The following PDK2 variants were observed in gnomAD, a reference collection of about 807,000 sequenced individuals.
The protein encoded by PDK2 is pyruvate dehydrogenase kinase 2.
A neutral mutation model predicts 50.4 loss-of-function variants in PDK2; 34 were observed. The observed-to-expected ratio is 0.68, with a 90% CI of 0.51 to 0.90. PDK2 has a LOEUF of 0.90. Among genes scored for constraint, PDK2 ranks in the 40% least tolerant of loss-of-function variants. The pLI, the probability that PDK2 is intolerant of heterozygous loss-of-function variation, is 0.00. For synonymous variants in PDK2, 232 were observed against 216.0 expected (o/e 1.07, Z -0.65); for missense variants, 377 against 544.5 (o/e 0.69, Z 3.06).
Position 50,109,397 on chromosome 17 carries a change from C to T in PDK2, c.1080C>T (p.Leu360=). 1.3e-6 allele frequency: 2 copies of T among 1,599,468 alleles called. No homozygotes were observed. The highest frequency in any genetic ancestry group is 1.7e-6 in the Non-Finnish European group (2 of 1,167,928). ...TTGGGACCGATGCTGTCATCTATCT[C>T]AAGGTGAGGGCCCTTCCCGCAGAGC... ...EGFGTDAVIY[L]KALSTDSVER... The change falls in exon 10 of 11, where the codon CTC becomes CTT. Residue 360 remains leucine (L), a synonymous_variant. Transcript: ENST00000503176. The surrounding 1 kb of genome is among the most constrained non-coding windows in gnomAD (Gnocchi z 5.0).
chr17:50,098,855 C>G (rs1910079586), intron 2 of PDK2: 1 of 152,220 alleles, frequency 6.6e-6, no homozygotes, highest in Non-Finnish European at 1.5e-5. Context: ...TGACTTGTCA[C>G]TGGACCTTAC....
chr17:50,107,565 A>G (rs1164849220), intron 6 of PDK2, among the ~76,000 whole-genome samples: 1 of 152,218 alleles, frequency 6.6e-6, no homozygotes, highest in Non-Finnish European at 1.5e-5. Flanking sequence ...TGGGTGACAG[A>G]GCGAGACTTC....
At chr17:50,095,213 G>A (rs1909865762), upstream of PDK2, 1 of 461,334 alleles carries the variant, frequency 2.2e-6, no homozygotes, top group East Asian at 3.5e-5. Context: ...GGGCGGGCCC[G>A]GGGGAAGCCA....
chr17:50,103,281 G>A (rs1910328671), intron 2 of PDK2, among the ~76,000 whole-genome samples: 1 of 152,144 alleles, frequency 6.6e-6, no homozygotes, highest in South Asian at 2.1e-4. Flanking sequence ...AGGGAGGGGT[G>A]GGCGGTGAGC....
At chr17:50,098,321 T>A (rs1479020318) in intron 2 of PDK2, 1 of 152,236 alleles carries the variant, frequency 6.6e-6, no homozygotes, top group East Asian at 1.9e-4. Flanking sequence ...GTGATTTCCC[T>A]GTAGACTGAG....
At position 50,111,391 on chromosome 17, in the gene PDK2, T is replaced by G. The variant is rs1053102; in HGVS notation, c.*1294T>G. The G allele has an allele frequency of 0.16, 24,408 of 152,322 alleles. 2,468 individuals are homozygous for G. Among genetic ancestry groups the G allele is most frequent in the Middle Eastern group, 0.26 (75 of 294 alleles). The allele number at this position is 152,322 out of a possible 1,614,324, so 9.4% of individuals were successfully genotyped here. On this transcript the variant is annotated 3_prime_UTR_variant, in exon 11 of 11. Coordinates refer to ENST00000503176, the MANE Select transcript of PDK2 (RefSeq NM_002611.5). Reference sequence around the variant, plus strand: ...TTCACATGCAGGTGGGCACCCACTATAGCTACTGATGGCTTTAAGGATGTG... The same window carrying G: ...TTCACATGCAGGTGGGCACCCACTAGAGCTACTGATGGCTTTAAGGATGTG...
chr17:50,103,650 C>T (rs537906093), intron 2 of PDK2, among the ~76,000 whole-genome samples: 2 of 152,294 alleles, frequency 1.3e-5, no homozygotes, highest in Admixed American at 1.3e-4. Context: ...AGAGCCAGGT[C>T]TGGGTCCAGA....
intron 6 of PDK2, 97 bp downstream of exon 6, chr17:50,107,250 A>G: frequency 2.3e-6 from 2 of 879,286 alleles, no homozygotes; most frequent in East Asian, 2.4e-5. Flanking sequence ...TTTTCTAGAC[A>G]GGGGAGAAGC....
At chr17:50,095,721 G>A (rs983148937) in intron 1 of PDK2, 168 bp downstream of exon 1, 1 of 1,429,456 alleles carries the variant, frequency 7.0e-7, no homozygotes, top group Non-Finnish European at 9.2e-7. Context: ...ACCGGCCGGG[G>A]CCTCTCGACG....
rs150404162 is a variant in PDK2 at position 50,105,969 on chromosome 17, C to T, written c.417C>T (p.Asp139=). 1.4e-5 allele frequency: 23 copies of T among 1,612,658 alleles called. No individual in the cohort carries two copies. The highest frequency in any genetic ancestry group is 1.9e-5 in the Non-Finnish European group (22 of 1,179,452). Residue 139 remains aspartate, a synonymous_variant, in exon 4 of 11, where the codon GAC becomes GAT. Transcript: ENST00000503176. ...CACAAGGCGTGCTTGAGTACAAGGA[C>T]ACCTACGGCGATGACCCCGTCTCCA... ...TMAQGVLEYK[D]TYGDDPVSNQ...
Position 50,106,784 on chromosome 17 carries a change from C to T in PDK2, c.518-10C>T, listed in dbSNP as rs1420226566. On this transcript the variant is annotated splice_polypyrimidine_tract_variant and intron_variant, in intron 4 of 10. Transcript: ENST00000503176. ...GCCCAGCCAACAGCATCCTCCCTTC[C>T]TGCCTGCAGCCCTCATCTTTGATGG... 1 of 1,613,236 alleles carries T rather than the reference C, an allele frequency of 6.2e-7. No homozygotes were observed. Among genetic ancestry groups the T allele is most frequent in the Non-Finnish European group, 8.5e-7 (1 of 1,179,216 alleles).
At chr17:50,104,396 G>A (rs847697) in intron 2 of PDK2, 115,895 of 152,246 alleles carry the variant, frequency 0.76, 44,520 homozygotes, top group East Asian at 0.97. Context: ...GATTACAGGC[G>A]TGCACCACCA....
At chr17:50,108,831 C>A (rs1486701041) in intron 9 of PDK2, 112 bp downstream of exon 9, 5 of 695,484 alleles carry the variant, frequency 7.2e-6, no homozygotes, top group African/African-American at 7.1e-5. Context: ...GTGACAGTCA[C>A]CTGTCTTGAA....
Position 50,109,856 on chromosome 17 carries a change from G to C in PDK2, c.1084-101G>C. 2 of 1,309,944 alleles carry C rather than the reference G, an allele frequency of 1.5e-6. No individual in the cohort carries two copies. Among genetic ancestry groups the C allele is most frequent in the Admixed American group, 2.9e-5 (1 of 34,186 alleles). The allele number at this position is 1,309,944 out of a possible 1,614,324, so 81.1% of individuals were successfully genotyped here. ...CCTTTTGTGGTCTTTCCAGGCCCCC[G>C]TGTCTGGCAGCTGGGCTGCCGCTGA... is the stretch of plus-strand genomic sequence containing the variant. On this transcript the variant is annotated intron_variant, in intron 10 of 10. Transcript: ENST00000503176. The surrounding 1 kb of genome is among the most constrained non-coding windows in gnomAD (Gnocchi z 5.0).
At chr17:50,108,076 G>T in intron 6 of PDK2, 80 bp from the exon 7 acceptor site, 4 of 1,148,760 alleles carry the variant, frequency 3.5e-6, no homozygotes, top group Non-Finnish European at 3.9e-6. Flanking sequence ...TTTGTGGGAG[G>T]GGGTGCCTCC....
chr17:50,103,896 T>C (rs533450734), intron 2 of PDK2, among the ~76,000 whole-genome samples: 15 of 152,132 alleles, frequency 9.9e-5, no homozygotes, highest in East Asian at 1.9e-4. Context: ...TGCGTGGGGC[T>C]GATTCCTGCC....
chr17:50,097,500 A>G lies in PDK2; in HGVS notation c.196A>G (p.Lys66Glu), dbSNP rs147019251. 5.0e-5 allele frequency: 80 copies of G among 1,614,004 alleles called. No homozygotes were observed. In the East Asian group the frequency reaches 1.7e-3, roughly 35 times the overall value. Residue 66 changes from lysine to glutamate, a missense_variant, in exon 2 of 11, where the codon AAA becomes GAA. By Grantham distance (56) the Lys-to-Glu change is moderately conservative (BLOSUM62 1). Transcript: ENST00000503176. ...GCCTGTGCGCCTGGCCAACATCATG[A>G]AAGAGATCAACCTGCTTCCCGACCG... ...ELPVRLANIMKEINLLPDRVL... is the reference protein window; with the variant it reads ...ELPVRLANIMEEINLLPDRVL...
At chr17:50,107,391 G>A (rs1331861231) in intron 6 of PDK2, among the ~76,000 whole-genome samples, 10 of 152,096 alleles carry the variant, frequency 6.6e-5, no homozygotes, top group Non-Finnish European at 1.5e-4. Context: ...GACCGGCCTC[G>A]GCAACATGGT....
At position 50,108,418 on chromosome 17, in the gene PDK2, G is replaced by A. The variant is rs1388460198; in HGVS notation, c.861+1G>A. The A allele has an allele frequency of 6.2e-7, 1 of 1,610,352 alleles. No homozygotes were observed. Among genetic ancestry groups the A allele is most frequent in the Non-Finnish European group, 8.5e-7 (1 of 1,176,628 alleles). ...GGGTGAGGAAGATCTGTCCATCAAG[G>A]TATGTGACCCTTTGACCTTGGGGAC... On this transcript the variant is annotated splice_donor_variant, in intron 8 of 10. Transcript: ENST00000503176. LOFTEE classifies it high-confidence loss of function.
Sources: allele counts gnomAD v4.1 joint callset (sites outside exome capture counted in the v4.1 genomes callset), GRCh38; gene constraint gnomAD v4.1.1; non-coding constraint Gnocchi (gnomAD v3.1); transcripts MANE v1.5; gene names NCBI Gene and HGNC (gene_info 2026-07-23, HGNC 2026-07-21).